The following VEGFC variants were observed in gnomAD, a reference collection of about 807,000 sequenced individuals.
VEGFC encodes FLT4 ligand DHM.
In VEGFC, 12 loss-of-function variants were observed where a neutral mutation model predicts 46.1. The observed-to-expected ratio is 0.26, with a 90% CI of 0.17 to 0.42. The LOEUF (loss-of-function observed/expected upper bound fraction) is 0.42. Among genes scored for constraint, VEGFC ranks in the 10% least tolerant of loss-of-function variants. The probability of loss-of-function intolerance (pLI) is 1.00; values close to 1 mark genes in which losing one functional copy is unlikely to be tolerated. For missense variants in VEGFC, 488 were observed against 529.4 expected, an observed-to-expected ratio of 0.92 and a Z score of 0.77; for synonymous variants, 232 against 195.5, an observed-to-expected ratio of 1.19 and a Z score of -1.56.
intron 3 of VEGFC, among the ~76,000 whole-genome samples, chr4:176,718,017 C>A (rs1734724300): frequency 6.6e-6 from 1 of 152,074 alleles, no homozygotes. Flanking sequence ...CACAGTACCA[C>A]AATTAAAATA....
intron 1 of VEGFC, among the ~76,000 whole-genome samples, chr4:176,767,538 A>T (rs1195781308): frequency 6.6e-6 from 1 of 152,164 alleles, no homozygotes; most frequent in Admixed American, 6.5e-5. Context: ...CCCCTGCAGG[A>T]CTAGGGTAGT....
chr4:176,695,725 C>G (rs995173384), intron 4 of VEGFC, among the ~76,000 whole-genome samples: 21 of 151,832 alleles, frequency 1.4e-4, no homozygotes, highest in Non-Finnish European at 2.7e-4. Flanking sequence ...ATGCAAAAAT[C>G]CTCAATAAAA....
intron 1 of VEGFC, among the ~76,000 whole-genome samples, chr4:176,760,005 ATAGT>A (rs1275573080): frequency 6.6e-6 from 1 of 152,192 alleles, no homozygotes; most frequent in Non-Finnish European, 1.5e-5. Context: ...AAAATTAAAA[ATAGT>A]TAATAACAAG....
intron 1 of VEGFC, among the ~76,000 whole-genome samples, chr4:176,759,243 T>C (rs1735485887): frequency 2.0e-5 from 3 of 152,098 alleles, no homozygotes; most frequent in Non-Finnish European, 4.4e-5. Context: ...GTTGAGCCCA[T>C]ATATTTGGGA....
At chr4:176,692,931 G>C (rs1468348691) in intron 4 of VEGFC, among the ~76,000 whole-genome samples, 20 of 148,300 alleles carry the variant, frequency 1.3e-4, no homozygotes, top group Non-Finnish European at 2.4e-4. Context: ...CTGTTAGAAG[G>C]AAAACTAACA....
intron 5 of VEGFC, 61 bp from the exon 6 acceptor site, chr4:176,687,581 CA>C: frequency 7.0e-7 from 1 of 1,430,566 alleles, no homozygotes; most frequent in Non-Finnish European, 9.2e-7. Flanking sequence ...TGGCATGAAA[CA>C]AAAGCTTTTA....
intron 4 of VEGFC, 95 bp from the exon 5 acceptor site, chr4:176,688,022 A>C (rs1734078002): frequency 5.0e-6 from 3 of 596,474 alleles, no homozygotes; most frequent in South Asian, 2.8e-5. Context: ...TGCTCATAGA[A>C]AAGCTTTAAA....
chr4:176,700,025 A>C (rs1213534214), intron 4 of VEGFC, among the ~76,000 whole-genome samples: 2 of 152,218 alleles, frequency 1.3e-5, no homozygotes, highest in East Asian at 3.9e-4. Flanking sequence ...TTAAAGGAAA[A>C]GATGGTGAGT....
rs542697228 is a variant in VEGFC at position 176,770,885 on chromosome 4, T to C, written c.147+21280A>G. On this transcript the variant is annotated intron_variant, in intron 1 of 6. Transcript: ENST00000618562. ...CAGGGAATCCAATTCTGACTTGACCTTTGAGATACCCATGAGAATGTCCAT... is the reference window on the plus strand; with the variant it reads ...CAGGGAATCCAATTCTGACTTGACCCTTGAGATACCCATGAGAATGTCCAT... Among the ~76,000 whole-genome samples, 8 of 152,018 alleles carry C rather than the reference T, an allele frequency of 5.3e-5. No individual in the cohort carries two copies. In the South Asian group the frequency reaches 1.2e-3, roughly 24 times the overall value.
At chr4:176,726,589 T>C (rs558687957) in intron 3 of VEGFC, among the ~76,000 whole-genome samples, 78 of 152,218 alleles carry the variant, frequency 5.1e-4, no homozygotes, top group African/African-American at 1.8e-3. Context: ...TTAATTTGGG[T>C]TGTATAATAA....
At chr4:176,789,166 G>T (rs1736049759) in intron 1 of VEGFC, among the ~76,000 whole-genome samples, 1 of 152,214 alleles carries the variant, frequency 6.6e-6, no homozygotes, top group South Asian at 2.1e-4. Flanking sequence ...GACACATGGA[G>T]ATAACTAGGA....
chr4:176,755,854 T>C (rs1422584916), intron 1 of VEGFC, among the ~76,000 whole-genome samples: 1 of 152,046 alleles, frequency 6.6e-6, no homozygotes, highest in Non-Finnish European at 1.5e-5. Flanking sequence ...AGCTGAATAA[T>C]GTATCAGGTT....
intron 1 of VEGFC, among the ~76,000 whole-genome samples, chr4:176,785,250 C>A (rs1202925997): frequency 6.6e-6 from 1 of 152,078 alleles, no homozygotes; most frequent in Admixed American, 6.5e-5. Flanking sequence ...AAATAGAAAC[C>A]TTTCAACTAT....
At chr4:176,756,103 C>T (rs1260211151) in intron 1 of VEGFC, among the ~76,000 whole-genome samples, 1 of 151,998 alleles carries the variant, frequency 6.6e-6, no homozygotes, top group Non-Finnish European at 1.5e-5. Context: ...ACTGAAATAA[C>T]TGGATAACCC....
intron 1 of VEGFC, among the ~76,000 whole-genome samples, chr4:176,732,081 A>C (rs1323104103): frequency 6.6e-6 from 1 of 151,952 alleles, no homozygotes; most frequent in Non-Finnish European, 1.5e-5. Flanking sequence ...TTTGTATGGC[A>C]GAAAACACTG....
At chr4:176,687,997 T>C (rs1217198190) in intron 4 of VEGFC, 70 bp from the exon 5 acceptor site, 7 of 776,788 alleles carry the variant, frequency 9.0e-6, no homozygotes, top group African/African-American at 1.8e-5. Context: ...TCTGCTCACA[T>C]ATGTATCAAA....
At chr4:176,722,627 T>C (rs1349532138) in intron 3 of VEGFC, among the ~76,000 whole-genome samples, 2 of 151,900 alleles carry the variant, frequency 1.3e-5, no homozygotes, top group East Asian at 1.9e-4. Context: ...ACCTCCCGCG[T>C]AGCTGGGACC....
In VEGFC at chr4:176,693,753, A is replaced by G. The variant is rs1734254703; in HGVS notation, c.705-5826T>C. Among the ~76,000 whole-genome samples, 2 of 137,084 alleles carry G rather than the reference A, an allele frequency of 1.5e-5. 1 individual carries two copies. The highest frequency in any genetic ancestry group is 1.4e-4 in the Admixed American group (2 of 14,278). 89.9% of individuals were successfully genotyped at this position (137,084 alleles called of 152,430 possible). Reference sequence around the variant, plus strand: ...AAAGGTCTGGTTACCCTCAAAGGGAAGCCCATCAGACTAACAGAGGATCTC... The same window carrying G: ...AAAGGTCTGGTTACCCTCAAAGGGAGGCCCATCAGACTAACAGAGGATCTC... On this transcript the variant is annotated intron_variant, in intron 4 of 6. Transcript: ENST00000618562.
At chr4:176,699,800 T>C (rs1435570740) in intron 4 of VEGFC, among the ~76,000 whole-genome samples, 4 of 152,206 alleles carry the variant, frequency 2.6e-5, no homozygotes, top group African/African-American at 7.2e-5. Context: ...CAGGTAAAAA[T>C]CAGAAATACA....
Sources: allele counts gnomAD v4.1 joint callset (sites outside exome capture counted in the v4.1 genomes callset), GRCh38; gene constraint gnomAD v4.1.1; transcripts MANE v1.5; gene names NCBI Gene and HGNC (gene_info 2026-07-23, HGNC 2026-07-21).